ADGRB3: variants seen among roughly 807,000 people sequenced by gnomAD.
ADGRB3 encodes adhesion G protein-coupled receptor B3.
Under a neutral mutation model 193.4 loss-of-function variants are expected in ADGRB3, and 37 were observed. The ratio of observed to expected loss-of-function variants is 0.19; its 90% confidence interval spans 0.15 to 0.25. ADGRB3 has a LOEUF of 0.25. ADGRB3 is among the 10% of genes least tolerant of loss of function. The pLI, the probability that ADGRB3 is intolerant of heterozygous loss-of-function variation, is 1.00. For synonymous variants in ADGRB3, 690 were observed against 644.2 expected, an observed-to-expected ratio of 1.07 and a Z score of -1.08; for missense variants, 1,637 against 1,852.9, an observed-to-expected ratio of 0.88 and a Z score of 2.14.
At chr6:68,668,120 G>A (rs1768846269) in intron 3 of ADGRB3, among the ~76,000 whole-genome samples, 2 of 151,996 alleles carry the variant, frequency 1.3e-5, no homozygotes, top group Admixed American at 1.3e-4. Flanking sequence ...TTACCATGTA[G>A]AATATTGGTT....
chr6:68,777,857 T>C (rs1163125166), intron 3 of ADGRB3, among the ~76,000 whole-genome samples: 1 of 152,052 alleles, frequency 6.6e-6, no homozygotes, highest in Non-Finnish European at 1.5e-5. Flanking sequence ...ATTTGATAGC[T>C]GATGGCAAGT....
chr6:69,108,844 T>C lies in ADGRB3; in HGVS notation c.2480+32806T>C, dbSNP rs144269578. 2.9e-3 allele frequency among the ~76,000 whole-genome samples: 443 copies of C among 152,232 alleles called. 4 individuals carry two copies. Among genetic ancestry groups the C allele is most frequent in the Middle Eastern group, 0.02 (6 of 294 alleles). Reference sequence around the variant, plus strand: ...GACAGGCATGCAATGGGATGTGAAATGTATTGGGCCTCATTTAAAGAGTGA... The same window carrying C: ...GACAGGCATGCAATGGGATGTGAAACGTATTGGGCCTCATTTAAAGAGTGA... On this transcript the variant is annotated intron_variant, in intron 17 of 31. Coordinates refer to ENST00000370598, the MANE Select transcript of ADGRB3 (RefSeq NM_001704.3).
chr6:69,239,672 A>G (rs1185069580), intron 20 of ADGRB3, among the ~76,000 whole-genome samples: 1 of 152,052 alleles, frequency 6.6e-6, no homozygotes, highest in African/African-American at 2.4e-5. Context: ...CACCTGAAAA[A>G]TATCCATAGG....
intron 17 of ADGRB3, among the ~76,000 whole-genome samples, chr6:69,168,653 T>A (rs1020674682): frequency 6.6e-6 from 1 of 152,022 alleles, no homozygotes; most frequent in Non-Finnish European, 1.5e-5. Flanking sequence ...AAAATTAATT[T>A]AAATTAATTT....
rs539371545 is a variant in ADGRB3 at position 69,344,995 on chromosome 6, AT to A, written c.3459+5505del. On this transcript the variant is annotated intron_variant, in intron 26 of 31. Coordinates refer to ENST00000370598, the MANE Select transcript of ADGRB3 (RefSeq NM_001704.3). ...AATTATGTGATCCTGGACCCTAGTG[AT>A]TTTTTTTTTTTTTAGAAAGCTATGA... is the stretch of plus-strand genomic sequence containing the variant. 3.5e-3 allele frequency among the ~76,000 whole-genome samples: 498 copies of A among 144,056 alleles called. 1 individual carries two copies. Among genetic ancestry groups the A allele is most frequent in the Admixed American group, 4.2e-3 (60 of 14,344 alleles). The allele number at this position is 144,056 out of a possible 152,430, so 94.5% of individuals were successfully genotyped here. A position where few individuals can be genotyped will look rare whatever the true frequency, so the allele number is the denominator to read the frequency against.
chr6:68,873,231 T>G, intron 3 of ADGRB3, among the ~76,000 whole-genome samples: 1 of 152,138 alleles, frequency 6.6e-6, no homozygotes, highest in Admixed American at 6.6e-5. Flanking sequence ...TAATATGTAA[T>G]ATGATAAACA....
intron 15 of ADGRB3, among the ~76,000 whole-genome samples, chr6:69,057,159 A>C (rs2150305496): frequency 6.6e-6 from 1 of 152,008 alleles, no homozygotes; most frequent in South Asian, 2.1e-4. Flanking sequence ...ATGCTTTTTA[A>C]ATGGGATTCT....
intron 17 of ADGRB3, among the ~76,000 whole-genome samples, chr6:69,144,162 T>C (rs1203629227): frequency 6.6e-6 from 1 of 152,220 alleles, no homozygotes; most frequent in African/African-American, 2.4e-5. Flanking sequence ...ATTTTAGCTA[T>C]TGTAAGTGAA....
At chr6:68,669,158 G>A (rs1768877524) in intron 3 of ADGRB3, among the ~76,000 whole-genome samples, 1 of 151,902 alleles carries the variant, frequency 6.6e-6, no homozygotes, top group Non-Finnish European at 1.5e-5. Context: ...CATGCTATGT[G>A]AAATAAGGAC....
chr6:69,228,715 T>A (rs1375290374), intron 17 of ADGRB3, among the ~76,000 whole-genome samples: 2 of 152,170 alleles, frequency 1.3e-5, no homozygotes, highest in Non-Finnish European at 2.9e-5. Context: ...AAAATATGTG[T>A]TTACAATATT....
At position 68,896,233 on chromosome 6, in the gene ADGRB3, A is replaced by G. The variant is rs115327496; in HGVS notation, c.758-34326A>G. ...AGGTTTTGAAAAATATATGTAAGAGAACTGGAGATTTTATAATAGTTTCTG... is the reference window on the plus strand; with the variant it reads ...AGGTTTTGAAAAATATATGTAAGAGGACTGGAGATTTTATAATAGTTTCTG... On this transcript the variant is annotated intron_variant, in intron 3 of 31. Coordinates refer to ENST00000370598, the MANE Select transcript of ADGRB3 (RefSeq NM_001704.3). Among the ~76,000 whole-genome samples, 729 of 152,160 alleles carry G rather than the reference A, an allele frequency of 4.8e-3. 4 individuals are homozygous for G. The highest frequency in any genetic ancestry group is 0.016 in the African/African-American group (685 of 41,516).
intron 3 of ADGRB3, among the ~76,000 whole-genome samples, chr6:68,680,933 A>G (rs190972843): frequency 6.6e-6 from 1 of 152,312 alleles, no homozygotes; most frequent in East Asian, 1.9e-4. Flanking sequence ...GTTGTTATAA[A>G]GGAATACTGG....
chr6:68,724,504 T>C lies in ADGRB3; in HGVS notation c.757+85072T>C, dbSNP rs142910658. Among the ~76,000 whole-genome samples, 15 of 151,718 alleles carry C rather than the reference T, an allele frequency of 9.9e-5. No homozygotes were observed. The East Asian group carries it at 2.9e-3, about 30-fold the overall frequency. On this transcript the variant is annotated intron_variant, in intron 3 of 31. Transcript: ENST00000370598. ...GCTTCTTGGAGACTAGCAGCATCTTTTATAATTTAAGAAAAGCCCACAAAA... is the reference window on the plus strand; with the variant it reads ...GCTTCTTGGAGACTAGCAGCATCTTCTATAATTTAAGAAAAGCCCACAAAA...
At position 68,662,796 on chromosome 6, in the gene ADGRB3, G is replaced by A. The variant is rs9454605; in HGVS notation, c.757+23364G>A. ...AAGAGAATCATGAAAATAGTATTTA[G>A]TGCCTTTCTTTATTGACTCGATTTG... On this transcript the variant is annotated intron_variant, in intron 3 of 31. Transcript: ENST00000370598. Among the ~76,000 whole-genome samples the A allele has an allele frequency of 3.2e-4, 48 of 151,380 alleles. 2 individuals carry two copies. Among genetic ancestry groups the A allele is most frequent in the African/African-American group, 1.1e-3 (45 of 41,422 alleles).
chr6:68,822,889 T>A (rs950380434), intron 3 of ADGRB3, among the ~76,000 whole-genome samples: 1 of 152,054 alleles, frequency 6.6e-6, no homozygotes, highest in Non-Finnish European at 1.5e-5. Flanking sequence ...AAGAATATTT[T>A]CCTTTTACAT....
At chr6:69,063,075 T>C (rs1442751012) in intron 16 of ADGRB3, 39 bp downstream of exon 16, 1 of 1,452,764 alleles carries the variant, frequency 6.9e-7, no homozygotes, top group African/African-American at 1.4e-5. Context: ...GCTTATGGAA[T>C]TACCTTTCTA....
At chr6:69,153,769 G>A (rs314212) in intron 17 of ADGRB3, among the ~76,000 whole-genome samples, 55,744 of 151,982 alleles carry the variant, frequency 0.37, 10,855 homozygotes, top group Middle Eastern at 0.45. Context: ...CAAGGCGGGC[G>A]GATCACGAGG....
At chr6:68,961,692 T>C (rs1768238239) in intron 8 of ADGRB3, among the ~76,000 whole-genome samples, 1 of 152,144 alleles carries the variant, frequency 6.6e-6, no homozygotes, top group Non-Finnish European at 1.5e-5. Flanking sequence ...GCATAAAATT[T>C]ACATTTCTTT....
At chr6:68,818,084 T>C (rs1767670932) in intron 3 of ADGRB3, among the ~76,000 whole-genome samples, 1 of 152,020 alleles carries the variant, frequency 6.6e-6, no homozygotes. Flanking sequence ...TAGGTTCTTG[T>C]AGCTGGGACC....
Sources: allele counts gnomAD v4.1 joint callset (sites outside exome capture counted in the v4.1 genomes callset), GRCh38; gene constraint gnomAD v4.1.1; transcripts MANE v1.5; gene names NCBI Gene and HGNC (gene_info 2026-07-23, HGNC 2026-07-21).